COPS4: variants seen among roughly 807,000 people sequenced by gnomAD.
The protein encoded by COPS4 is COP9 signalosome subunit 4.
A neutral mutation model predicts 55.1 loss-of-function variants in COPS4; 8 were observed. The ratio of observed to expected loss-of-function variants is 0.15; its 90% CI spans 0.09 to 0.26. The LOEUF is 0.26. Ranked by LOEUF, COPS4 falls within the 10% of genes least tolerant of loss-of-function variation. The pLI is 1.00. For synonymous variants in COPS4, 185 were observed against 165.7 expected, an observed-to-expected ratio of 1.12 and a Z score of -0.90; for missense variants, 248 against 484.0, an observed-to-expected ratio of 0.51 and a Z score of 4.58.
Position 83,075,492 on chromosome 4 carries a change from A to C in COPS4, c.*62A>C. 6.3e-7 allele frequency: 1 copy of C among 1,586,712 alleles called. No individual in the cohort carries two copies. Among genetic ancestry groups the C allele is most frequent in the South Asian group, 1.1e-5 (1 of 89,114 alleles). ...CCATGTTGTGCAGATCAGTTTCACT[A>C]TCTCCAAAGCATTTGCATCATGACC... On this transcript the variant is annotated 3_prime_UTR_variant, in exon 10 of 10. Transcript: ENST00000264389.
intron 9 of COPS4, among the ~76,000 whole-genome samples, chr4:83,073,515 A>G (rs1210788329): frequency 1.3e-5 from 2 of 152,184 alleles, no homozygotes; most frequent in Non-Finnish European, 2.9e-5. Flanking sequence ...AGAAAGCAAA[A>G]TAGAAAAAAA....
In COPS4 at chr4:83,048,510, T is replaced by C. The variant is rs77116212; in HGVS notation, c.155-656T>C. Among the ~76,000 whole-genome samples the C allele has an allele frequency of 4.7e-4, 72 of 152,308 alleles. No individual in the cohort carries two copies. In the East Asian group the frequency reaches 0.012, roughly 26 times the overall value. On this transcript the variant is annotated intron_variant, in intron 2 of 9. Transcript: ENST00000264389. ...GGATATAAGCACATAAATAAAAATA[T>C]AGGTGTTTTTGTGCCTTCACTTTGT...
chr4:83,071,816 A>G (rs1731437991), intron 9 of COPS4, among the ~76,000 whole-genome samples: 1 of 151,118 alleles, frequency 6.6e-6, no homozygotes, highest in Admixed American at 6.6e-5. Flanking sequence ...GGTTCAAGGG[A>G]TTCCCCTGCC....
intron 2 of COPS4, 46 bp downstream of exon 2, chr4:83,045,751 G>A: frequency 7.9e-7 from 1 of 1,265,962 alleles, no homozygotes; most frequent in Non-Finnish European, 1.1e-6. Context: ...TACTGAGCTA[G>A]GACTTTAAAG....
In COPS4 at chr4:83,056,583, G is replaced by C. The variant is rs557218668; in HGVS notation, c.411-343G>C. Among the ~76,000 whole-genome samples, 8 of 152,294 alleles carry C rather than the reference G, an allele frequency of 5.3e-5. No individual in the cohort carries two copies. In the East Asian group the frequency reaches 1.5e-3, roughly 29 times the overall value. ...GGAGGCCGAGGCGGGTGGATCATGA[G>C]GTCAGGAGATCGAAACCATCCTGGC... On this transcript the variant is annotated intron_variant, in intron 4 of 9. Coordinates refer to ENST00000264389, the MANE Select transcript of COPS4 (RefSeq NM_016129.3).
intron 1 of COPS4, among the ~76,000 whole-genome samples, chr4:83,039,368 C>G (rs922596395): frequency 6.6e-6 from 1 of 152,176 alleles, no homozygotes; most frequent in Non-Finnish European, 1.5e-5. Flanking sequence ...CAAGGCCTCT[C>G]GAGGTCTGGG....
At chr4:83,061,046 AATAAT>A (rs1560441459) in intron 6 of COPS4, among the ~76,000 whole-genome samples, 4 of 145,514 alleles carry the variant, frequency 2.7e-5, no homozygotes, top group East Asian at 1.9e-4. Flanking sequence ...AAAAAAAAAT[AATAAT>A]AATAATAATA....
chr4:83,045,612 T>G lies in COPS4; in HGVS notation c.75-14T>G. The G allele has an allele frequency of 6.3e-7, 1 of 1,591,288 alleles. No homozygotes were observed. The highest frequency in any genetic ancestry group is 2.2e-5 in the East Asian group (1 of 44,640). On this transcript the variant is annotated splice_polypyrimidine_tract_variant and intron_variant, in intron 1 of 9. Transcript: ENST00000264389. ...GTACCCTCAGAACATTATTTTCATT[T>G]GGTATTGTTGTAGGTATCGTCAGAT...
intron 9 of COPS4, 43 bp downstream of exon 9, chr4:83,068,565 A>C (rs200551884): frequency 5.0e-6 from 6 of 1,201,834 alleles, no homozygotes; most frequent in Non-Finnish European, 7.4e-6. Context: ...AATAGCAGTG[A>C]ACTGTTATAT....
Position 83,075,630 on chromosome 4 carries a change from A to G in COPS4, c.*200A>G. ...CCCATATATTTCAGGGTCTCTGTGT[A>G]TTAAGCTAACTCAGATGTTTTGAAA... On this transcript the variant is annotated 3_prime_UTR_variant, in exon 10 of 10. Coordinates refer to ENST00000264389, the MANE Select transcript of COPS4 (RefSeq NM_016129.3). 1 of 486,756 alleles carries G rather than the reference A, an allele frequency of 2.1e-6. No individual in the cohort carries two copies. Among genetic ancestry groups the G allele is most frequent in the Non-Finnish European group, 3.4e-6 (1 of 290,992 alleles). 30.2% of individuals were successfully genotyped at this position (486,756 alleles called of 1,614,324 possible). A position where few individuals can be genotyped will look rare whatever the true frequency, so the allele number is the denominator to read the frequency against.
chr4:83,060,533 C>T (rs1216389260), intron 6 of COPS4, among the ~76,000 whole-genome samples: 2 of 151,264 alleles, frequency 1.3e-5, no homozygotes, highest in Non-Finnish European at 2.9e-5. Flanking sequence ...GTGTCGATCT[C>T]CTGACCTCGT....
intron 7 of COPS4, among the ~76,000 whole-genome samples, chr4:83,063,493 T>C (rs2868743): frequency 1 from 150,643 of 151,342 alleles, 74,989 homozygotes; most frequent in Middle Eastern, 1. Flanking sequence ...CTGCAAACTC[T>C]ACCTCCTGGC....
intron 1 of COPS4, among the ~76,000 whole-genome samples, chr4:83,037,114 G>A (rs1055408908): frequency 2.6e-5 from 4 of 152,154 alleles, no homozygotes; most frequent in Non-Finnish European, 5.9e-5. Context: ...CACCTGGGGC[G>A]GGACTCACAT....
At chr4:83,066,311 A>T (rs1353083347) in intron 7 of COPS4, 127 bp from the exon 8 acceptor site, 5 of 494,120 alleles carry the variant, frequency 1.0e-5, no homozygotes, top group Non-Finnish European at 3.7e-6. Flanking sequence ...GGCTACTTTT[A>T]AAATTTTGAT....
chr4:83,066,067 A>G (rs2868746), intron 7 of COPS4, among the ~76,000 whole-genome samples: 151,564 of 152,256 alleles, frequency 1, 75,437 homozygotes, highest in Middle Eastern at 1. Flanking sequence ...CATGAGAATC[A>G]CTTGAACCTG....
chr4:83,062,444 T>C (rs965652704), intron 6 of COPS4, among the ~76,000 whole-genome samples: 2 of 152,224 alleles, frequency 1.3e-5, no homozygotes, highest in African/African-American at 4.8e-5. Flanking sequence ...ACTTCCACTG[T>C]CATTTGCAGA....
At chr4:83,047,868 G>C (rs1241752233) in intron 2 of COPS4, among the ~76,000 whole-genome samples, 3 of 151,972 alleles carry the variant, frequency 2.0e-5, no homozygotes, top group Admixed American at 6.6e-5. Flanking sequence ...GGGCGTGGTG[G>C]CGGGTGCCTG....
intron 1 of COPS4, 131 bp from the exon 2 acceptor site, chr4:83,045,495 T>G: frequency 1.7e-6 from 1 of 594,914 alleles, no homozygotes; most frequent in Non-Finnish European, 2.9e-6. Context: ...TGTGGTATAC[T>G]ATAAAGAAAA....
chr4:83,042,914 A>ATTTTTTTTTTTT (rs761199795), intron 1 of COPS4, among the ~76,000 whole-genome samples: 1 of 133,288 alleles, frequency 7.5e-6, no homozygotes, highest in African/African-American at 2.8e-5. Flanking sequence ...CAATTTTTGT[A>ATTTTTTTTTTTT]TTTTTTTTTT....
Sources: allele counts gnomAD v4.1 joint callset (sites outside exome capture counted in the v4.1 genomes callset), GRCh38; gene constraint gnomAD v4.1.1; transcripts MANE v1.5; gene names NCBI Gene and HGNC (gene_info 2026-07-23, HGNC 2026-07-21).